The following ABCC9 variants were observed in gnomAD, a reference collection of about 807,000 sequenced individuals.
ABCC9 encodes ATP binding cassette subfamily C member 9.
In ABCC9, 95 loss-of-function variants were observed where a neutral mutation model predicts 188.3. The observed-to-expected ratio is 0.50, with a 90% CI of 0.43 to 0.60. The LOEUF (loss-of-function observed/expected upper bound fraction) is 0.60. Among genes scored for constraint, ABCC9 ranks in the 20% least tolerant of loss-of-function variants. The pLI, the probability that ABCC9 is intolerant of heterozygous loss-of-function variation, is 0.00. For synonymous variants in ABCC9, 659 were observed against 652.7 expected, an observed-to-expected ratio of 1.01 and a Z score of -0.15; for missense variants, 1,102 against 1,876.3, an observed-to-expected ratio of 0.59 and a Z score of 7.62.
intron 24 of ABCC9, among the ~76,000 whole-genome samples, chr12:21,849,012 G>A (rs1246126083): frequency 6.6e-6 from 1 of 152,126 alleles, no homozygotes; most frequent in Admixed American, 6.5e-5. Flanking sequence ...GACTGCAGTA[G>A]TAGTATCAGT....
At chr12:21,869,658 C>T (rs567865282) in intron 18 of ABCC9, 1 of 152,318 alleles carries the variant, frequency 6.6e-6, no homozygotes, top group East Asian at 1.9e-4. Flanking sequence ...AAACACACCT[C>T]ACAGGTATAG....
intron 31 of ABCC9, 31 bp from the exon 32 acceptor site, chr12:21,818,282 G>T: frequency 1.3e-6 from 2 of 1,580,414 alleles, no homozygotes; most frequent in Non-Finnish European, 1.7e-6. Context: ...ATGTTAAAAG[G>T]TTACTCCCAA....
chr12:21,851,637 C>A (rs1944969549), intron 24 of ABCC9, among the ~76,000 whole-genome samples: 1 of 152,110 alleles, frequency 6.6e-6, no homozygotes. Flanking sequence ...CCCAGATATG[C>A]CTTACAACTT....
chr12:21,856,843 A>G (rs1945251069), intron 22 of ABCC9, among the ~76,000 whole-genome samples: 1 of 152,218 alleles, frequency 6.6e-6, no homozygotes, highest in African/African-American at 2.4e-5. Flanking sequence ...ATAATTTCAG[A>G]AAATACCAGA....
intron 12 of ABCC9, among the ~76,000 whole-genome samples, chr12:21,898,504 C>T (rs532166674): frequency 3.7e-4 from 57 of 152,256 alleles, no homozygotes; most frequent in African/African-American, 1.3e-3. Flanking sequence ...ATGTATCAAG[C>T]ATTAGGGCTA....
intron 16 of ABCC9, among the ~76,000 whole-genome samples, chr12:21,876,451 G>T (rs1366607272): frequency 2.0e-5 from 3 of 152,058 alleles, no homozygotes; most frequent in African/African-American, 7.2e-5. Context: ...TAATCAATGA[G>T]TTTCCTGAAC....
chr12:21,816,061 TTTTTTTTTTTTTTTTTTTTA>T (rs2137177751), intron 33 of ABCC9, among the ~76,000 whole-genome samples, 168 bp from the exon 34 acceptor site: 4 of 127,134 alleles, frequency 3.1e-5, no homozygotes, highest in African/African-American at 1.4e-4. Flanking sequence ...TTTTTTTTTT[TTTTTTTTTTTTTTTTTTTTA>T]GTTTAAATCA....
At chr12:21,891,601 GT>G (rs1329203668) in intron 14 of ABCC9, among the ~76,000 whole-genome samples, 1 of 152,134 alleles carries the variant, frequency 6.6e-6, no homozygotes, top group African/African-American at 2.4e-5. Flanking sequence ...GCATAGAATT[GT>G]TTTGGAACCA....
chr12:21,935,419 GTTC>G (rs1949448197), intron 3 of ABCC9, among the ~76,000 whole-genome samples: 1 of 152,080 alleles, frequency 6.6e-6, no homozygotes, highest in African/African-American at 2.4e-5. Context: ...CATATGATGA[GTTC>G]TTTAATCCCC....
intron 2 of ABCC9, among the ~76,000 whole-genome samples, chr12:21,937,435 C>T (rs1344542873): frequency 6.6e-6 from 1 of 152,032 alleles, no homozygotes; most frequent in Non-Finnish European, 1.5e-5. Flanking sequence ...AAACAGAGGA[C>T]AAGGTCACAC....
chr12:21,934,020 T>TG (rs1049437894), intron 3 of ABCC9, 97 bp from the exon 4 acceptor site: 42 of 1,335,544 alleles, frequency 3.1e-5, no homozygotes, highest in Middle Eastern at 1.8e-4. Flanking sequence ...AAGGCAGGGG[T>TG]GGGGGGGTCC....
intron 39 of ABCC9, among the ~76,000 whole-genome samples, chr12:21,801,687 A>C (rs1385674433): frequency 6.6e-6 from 1 of 152,214 alleles, no homozygotes; most frequent in East Asian, 1.9e-4. Context: ...GCCTTTAGAC[A>C]TGCAGTCTCA....
At chr12:21,843,586 C>G (rs1944495264) in intron 28 of ABCC9, among the ~76,000 whole-genome samples, 1 of 152,114 alleles carries the variant, frequency 6.6e-6, no homozygotes, top group South Asian at 2.1e-4. Context: ...GAGGAAGTTG[C>G]TGCTTTTCAT....
In ABCC9 at chr12:21,895,171, A is replaced by G. The variant is rs920183968; in HGVS notation, c.1659+104T>C. On this transcript the variant is annotated intron_variant, in intron 13 of 39. Coordinates refer to ENST00000261200, the MANE Select transcript of ABCC9 (RefSeq NM_020297.4). The stretch of plus-strand genomic sequence containing the variant: ...ATGGAGACTGCCATAGAGAGAAGTC[A>G]CAGAGGTGAGGTAATATATATTACT... The G allele has an allele frequency of 3.0e-6, 3 of 1,010,960 alleles. No individual in the cohort carries two copies. In the African/African-American group the frequency reaches 4.8e-5, roughly 16 times the overall value. 62.6% of individuals were successfully genotyped at this position (1,010,960 alleles called of 1,614,324 possible).
Position 21,901,401 on chromosome 12 carries a change from G to C in ABCC9, c.1618+4725C>G, listed in dbSNP as rs557215168. ...CTAGGAAGAAACTGCATCAACTAAC[G>C]AGCAAAATAACCAGCTAACATCATA... On this transcript the variant is annotated intron_variant, in intron 12 of 39. Transcript: ENST00000261200. Among the ~76,000 whole-genome samples the C allele has an allele frequency of 6.6e-4, 100 of 152,194 alleles. 1 individual carries two copies. In the South Asian group the frequency reaches 0.016, roughly 25 times the overall value.
chr12:21,831,549 C>G (rs569727693), intron 30 of ABCC9, among the ~76,000 whole-genome samples: 1 of 151,672 alleles, frequency 6.6e-6, no homozygotes, highest in Non-Finnish European at 1.5e-5. Context: ...AAATGCTACA[C>G]GAACATAAAG....
At chr12:21,896,506 CAT>C (rs1401743870) in intron 12 of ABCC9, among the ~76,000 whole-genome samples, 4 of 152,178 alleles carry the variant, frequency 2.6e-5, no homozygotes, top group Admixed American at 6.5e-5. Flanking sequence ...CATAGATAAA[CAT>C]GTGCCATGGT....
At chr12:21,822,647 T>C (rs1366579079) in intron 31 of ABCC9, among the ~76,000 whole-genome samples, 1 of 142,318 alleles carries the variant, frequency 7.0e-6, no homozygotes, top group Non-Finnish European at 1.5e-5. Flanking sequence ...AAAAATTAGC[T>C]GGGTGTGATG....
chr12:21,869,000 G>A (rs571392048), intron 18 of ABCC9, among the ~76,000 whole-genome samples: 13 of 152,050 alleles, frequency 8.5e-5, no homozygotes, highest in Admixed American at 8.5e-4. Context: ...CAGATATTAA[G>A]GATATTATGA....
Sources: allele counts gnomAD v4.1 joint callset (sites outside exome capture counted in the v4.1 genomes callset), GRCh38; gene constraint gnomAD v4.1.1; transcripts MANE v1.5; gene names NCBI Gene and HGNC (gene_info 2026-07-23, HGNC 2026-07-21).